Variants in SHANK2 observed in about 807,000 individuals in gnomAD.
SHANK2 encodes SH3 and multiple ankyrin repeat domains protein 2.
A neutral mutation model predicts 133.7 loss-of-function variants in SHANK2; 43 were observed. The ratio of observed to expected loss-of-function variants is 0.32; its 90% confidence interval spans 0.25 to 0.41. The LOEUF is 0.41. Among genes scored for constraint, SHANK2 ranks in the 10% least tolerant of loss-of-function variants. SHANK2 has a pLI of 1.00. For missense variants in SHANK2, 1,994 were observed against 2,235.8 expected, an observed-to-expected ratio of 0.89 and a Z score of 2.18; for synonymous variants, 1,017 against 952.8, an observed-to-expected ratio of 1.07 and a Z score of -1.24.
intron 17 of SHANK2, among the ~76,000 whole-genome samples, chr11:70,618,157 G>A (rs891373400): frequency 6.6e-6 from 1 of 151,842 alleles, no homozygotes; most frequent in African/African-American, 2.4e-5. Flanking sequence ...TTAGCCAGAC[G>A]TGGTGGCACG....
At chr11:71,155,358 T>C (rs1555108918) in intron 2 of SHANK2, among the ~76,000 whole-genome samples, 1 of 117,720 alleles carries the variant, frequency 8.5e-6, no homozygotes, top group Non-Finnish European at 1.7e-5. Context: ...GAGGTGGACC[T>C]ACCCCAGCCC....
intron 2 of SHANK2, among the ~76,000 whole-genome samples, chr11:71,160,209 G>A (rs1952986315): frequency 1.3e-5 from 2 of 152,190 alleles, no homozygotes; most frequent in South Asian, 4.1e-4. Flanking sequence ...CCAGGATGGG[G>A]AAGGGAATGC....
chr11:70,582,593 G>A (rs544890682), intron 17 of SHANK2, among the ~76,000 whole-genome samples: 1 of 152,332 alleles, frequency 6.6e-6, no homozygotes, highest in South Asian at 2.1e-4. Context: ...TTCACTGAGG[G>A]TGGCCCTGGA....
intron 17 of SHANK2, among the ~76,000 whole-genome samples, chr11:70,650,236 T>C (rs1171654808): frequency 1.3e-5 from 2 of 152,288 alleles, no homozygotes; most frequent in African/African-American, 2.4e-5. Context: ...TGCTCAACCA[T>C]GTTGGCTCCT....
chr11:70,786,489 C>T (rs1947657225), intron 14 of SHANK2, among the ~76,000 whole-genome samples: 1 of 152,126 alleles, frequency 6.6e-6, no homozygotes, highest in African/African-American at 2.4e-5. Context: ...TGCGTATGGA[C>T]TTTTATACCT....
At chr11:70,507,686 G>A (rs1055712768) in intron 17 of SHANK2, among the ~76,000 whole-genome samples, 16 of 152,198 alleles carry the variant, frequency 1.1e-4, no homozygotes, top group African/African-American at 3.9e-4. Flanking sequence ...AGGTCTGGAG[G>A]GGCCTGTGGG....
At chr11:71,203,009 G>A (rs1461456981) in intron 2 of SHANK2, among the ~76,000 whole-genome samples, 1 of 152,222 alleles carries the variant, frequency 6.6e-6, no homozygotes, top group Non-Finnish European at 1.5e-5. Flanking sequence ...GAAGTAAATT[G>A]AGATATGGAA....
At chr11:70,649,504 G>A (rs1210089582) in intron 17 of SHANK2, among the ~76,000 whole-genome samples, 2 of 152,160 alleles carry the variant, frequency 1.3e-5, no homozygotes, top group Non-Finnish European at 2.9e-5. Flanking sequence ...TTAGCACAGG[G>A]CCTTCCTCCA....
In SHANK2 at chr11:71,112,888, T is replaced by A. The variant is rs146618873; in HGVS notation, c.483+405A>T. Reference sequence around the variant, plus strand: ...CTGCTCACCTGCAGTCTAACTTCAGTGCAATTTATGTGAACAGCACTTTAA... The same window carrying A: ...CTGCTCACCTGCAGTCTAACTTCAGAGCAATTTATGTGAACAGCACTTTAA... On this transcript the variant is annotated intron_variant, in intron 5 of 25. Coordinates refer to ENST00000601538, the MANE Select transcript of SHANK2 (RefSeq NM_012309.5). Among the ~76,000 whole-genome samples, 121 of 152,308 alleles carry A rather than the reference T, an allele frequency of 7.9e-4. 1 individual carries two copies. The highest frequency in any genetic ancestry group is 2.9e-3 in the African/African-American group (120 of 41,578).
chr11:70,636,571 GTGTA>G (rs2061093299), intron 17 of SHANK2, among the ~76,000 whole-genome samples: 2 of 122,874 alleles, frequency 1.6e-5, no homozygotes, highest in South Asian at 5.6e-4. Context: ...GTGCATGTGT[GTGTA>G]TGAATGTGAG....
intron 14 of SHANK2, among the ~76,000 whole-genome samples, chr11:70,785,749 G>T (rs1399628455): frequency 6.6e-6 from 1 of 152,198 alleles, no homozygotes; most frequent in South Asian, 2.1e-4. Flanking sequence ...AGGACAGGGG[G>T]TGCAGTGACA....
chr11:71,097,958 ATGCCTGTGTGTGCATG>A (rs782429402), intron 6 of SHANK2, among the ~76,000 whole-genome samples: 16 of 148,380 alleles, frequency 1.1e-4, no homozygotes, highest in Non-Finnish European at 1.6e-4. Context: ...GTGTCTGTGC[ATGCCTGTGTGTGCATG>A]TGCCTGTGTG....
intron 11 of SHANK2, among the ~76,000 whole-genome samples, chr11:70,820,908 C>T (rs1158868564): frequency 3.9e-5 from 6 of 152,278 alleles, no homozygotes; most frequent in South Asian, 4.1e-4. Context: ...AACATCTCCA[C>T]GGCACGGAGC....
chr11:70,583,054 G>C (rs544929436), intron 17 of SHANK2, among the ~76,000 whole-genome samples: 2 of 152,306 alleles, frequency 1.3e-5, no homozygotes, highest in South Asian at 2.1e-4. Flanking sequence ...CACATGGAGC[G>C]GGGGACAGAG....
Position 70,818,712 on chromosome 11 carries a change from C to T in SHANK2, c.1493+1652G>A, listed in dbSNP as rs571401282. On this transcript the variant is annotated intron_variant, in intron 12 of 25. Transcript: ENST00000601538. ...CTCCTTGTTTGGCTCTGGTGGGAAG[C>T]GTCTGTGGGCTAAAGGCCAAAGCGT... Among the ~76,000 whole-genome samples the T allele has an allele frequency of 5.9e-5, 9 of 152,338 alleles. No homozygotes were observed. The South Asian group carries it at 6.2e-4, about 11-fold the overall frequency.
chr11:70,595,168 G>A (rs2060382287), intron 17 of SHANK2, among the ~76,000 whole-genome samples: 1 of 152,122 alleles, frequency 6.6e-6, no homozygotes, highest in African/African-American at 2.4e-5. Flanking sequence ...ACCCAGGCTG[G>A]CCCCTCACAT....
At chr11:70,895,984 A>C (rs1288626262) in intron 11 of SHANK2, among the ~76,000 whole-genome samples, 1 of 152,018 alleles carries the variant, frequency 6.6e-6, no homozygotes, top group East Asian at 1.9e-4. Context: ...CATTTGTTAC[A>C]ACTGAGAGCC....
At chr11:70,906,473 G>A (rs370495302) in intron 10 of SHANK2, among the ~76,000 whole-genome samples, 5 of 152,172 alleles carry the variant, frequency 3.3e-5, no homozygotes, top group South Asian at 2.1e-4. Flanking sequence ...GCCAGAACTC[G>A]GAGGAAAGCC....
chr11:70,800,142 C>A (rs1555050172), intron 13 of SHANK2, among the ~76,000 whole-genome samples: 2 of 152,132 alleles, frequency 1.3e-5, no homozygotes, highest in Non-Finnish European at 2.9e-5. Flanking sequence ...CCCACCTCAG[C>A]CTCCTGAGTA....
Sources: gnomAD v4.1 joint callset for allele counts (sites outside exome capture counted in the v4.1 genomes callset) on GRCh38, gnomAD v4.1.1 for gene constraint, MANE v1.5 for transcripts, NCBI Gene and HGNC (gene_info 2026-07-23, HGNC 2026-07-21) for gene names.